TANGO6: variants seen among roughly 807,000 people sequenced by gnomAD.
TANGO6 encodes transport and golgi organization 6 homolog.
A neutral mutation model predicts 114.2 loss-of-function variants in TANGO6; 90 were observed. That is an observed-to-expected ratio of 0.79 (90% CI 0.66 to 0.94). The LOEUF is 0.94. Among genes scored for constraint, TANGO6 ranks in the 40% least tolerant of loss-of-function variants. The pLI is 0.00. For synonymous variants in TANGO6, 477 were observed against 509.8 expected (o/e 0.94, Z 0.87); for missense variants, 1,274 against 1,315.3 (o/e 0.97, Z 0.49).
intron 16 of TANGO6, among the ~76,000 whole-genome samples, chr16:69,030,107 CA>C (rs529117472): frequency 0.011 from 718 of 62,524 alleles, 3 homozygotes; most frequent in African/African-American, 0.026. Flanking sequence ...GACTCTGACT[CA>C]AAAAAAAAAA....
chr16:68,898,480 C>T (rs1411019501), intron 7 of TANGO6, among the ~76,000 whole-genome samples: 1 of 151,968 alleles, frequency 6.6e-6, no homozygotes, highest in African/African-American at 2.4e-5. Context: ...TTGAGCTTCC[C>T]TTCCCTTCCT....
At chr16:68,862,060 C>T (rs750063756) in intron 2 of TANGO6, among the ~76,000 whole-genome samples, 1 of 150,728 alleles carries the variant, frequency 6.6e-6, no homozygotes, top group Non-Finnish European at 1.5e-5. Flanking sequence ...TTTTTTGAGA[C>T]GGAGCCTTGC....
At position 68,904,417 on chromosome 16, in the gene TANGO6, G is replaced by A. The variant is rs899882242; in HGVS notation, c.1667+1913G>A. ...TGGAGAAAACATGACTGATCTGAAGGACTCTGGAAGATTCTGGGATAATAC... is the reference window on the plus strand; with the variant it reads ...TGGAGAAAACATGACTGATCTGAAGAACTCTGGAAGATTCTGGGATAATAC... On this transcript the variant is annotated intron_variant, in intron 9 of 17. Transcript: ENST00000261778. 4.2e-4 allele frequency among the ~76,000 whole-genome samples: 64 copies of A among 152,152 alleles called. 1 individual carries two copies. The highest frequency in any genetic ancestry group is 1.4e-3 in the African/African-American group (59 of 41,456).
At chr16:68,886,870 C>T (rs1288013819) in intron 7 of TANGO6, among the ~76,000 whole-genome samples, 3 of 150,528 alleles carry the variant, frequency 2.0e-5, no homozygotes, top group Non-Finnish European at 3.0e-5. Flanking sequence ...TGCAGTTGTG[C>T]GATCTCAGCT....
At chr16:69,033,914 G>A (rs994720420) in intron 16 of TANGO6, 5 of 168,560 alleles carry the variant, frequency 3.0e-5, no homozygotes, top group South Asian at 1.7e-4. Flanking sequence ...CCTGCCCATC[G>A]AGGAGTGTGA....
At chr16:68,972,381 A>G (rs937531642) in intron 14 of TANGO6, among the ~76,000 whole-genome samples, 3 of 152,306 alleles carry the variant, frequency 2.0e-5, no homozygotes, top group South Asian at 2.1e-4. Context: ...ATCACAACCT[A>G]TAACATAAAA....
intron 15 of TANGO6, among the ~76,000 whole-genome samples, chr16:69,003,273 A>G (rs559072998): frequency 6.6e-6 from 1 of 152,328 alleles, no homozygotes; most frequent in East Asian, 1.9e-4. Flanking sequence ...AGCTCAGAGA[A>G]AAGAAAATTC....
chr16:68,920,941 G>T (rs887822459), intron 12 of TANGO6, among the ~76,000 whole-genome samples: 4 of 151,258 alleles, frequency 2.6e-5, no homozygotes, highest in African/African-American at 9.7e-5. Flanking sequence ...GTGAAACTCC[G>T]TCTCTACTAA....
intron 7 of TANGO6, among the ~76,000 whole-genome samples, chr16:68,889,582 C>T (rs959448842): frequency 6.6e-6 from 1 of 152,170 alleles, no homozygotes; most frequent in African/African-American, 2.4e-5. Context: ...TTTCTGGAAA[C>T]ATCCATGTGT....
At chr16:68,862,806 A>T in intron 2 of TANGO6, 139 bp from the exon 3 acceptor site, 1 of 685,898 alleles carries the variant, frequency 1.5e-6, no homozygotes. Context: ...AGCTTCCCCC[A>T]TGTGGAAGGA....
chr16:69,043,681 G>A (rs935827527), intron 17 of TANGO6, among the ~76,000 whole-genome samples: 2 of 152,160 alleles, frequency 1.3e-5, no homozygotes, highest in Non-Finnish European at 1.5e-5. Flanking sequence ...ACTTTAATGA[G>A]AAGTGGAGAT....
In TANGO6 at chr16:69,022,811, C is replaced by A; in HGVS notation, c.2843-17C>A. On this transcript the variant is annotated splice_polypyrimidine_tract_variant and intron_variant, in intron 15 of 17. Coordinates refer to ENST00000261778, the MANE Select transcript of TANGO6 (RefSeq NM_024562.2). ...ATTTTGTTTTAAGGGGTTTTGATTT[C>A]TTCCTTTTTCCTATAGGAGACATGG... 6.4e-7 allele frequency: 1 copy of A among 1,558,880 alleles called. No individual in the cohort carries two copies. Among genetic ancestry groups the A allele is most frequent in the Non-Finnish European group, 8.7e-7 (1 of 1,151,422 alleles).
At chr16:68,888,811 A>G (rs943282741) in intron 7 of TANGO6, among the ~76,000 whole-genome samples, 1 of 152,098 alleles carries the variant, frequency 6.6e-6, no homozygotes, top group Non-Finnish European at 1.5e-5. Context: ...AATAGACTTT[A>G]TTTATTATTA....
intron 17 of TANGO6, among the ~76,000 whole-genome samples, chr16:69,068,026 A>T (rs1016711046): frequency 6.6e-6 from 1 of 151,800 alleles, no homozygotes; most frequent in African/African-American, 2.4e-5. Flanking sequence ...CTGTAGTCCC[A>T]GCTACTCGGG....
At chr16:68,896,114 C>T (rs1259839719) in intron 7 of TANGO6, among the ~76,000 whole-genome samples, 2 of 151,910 alleles carry the variant, frequency 1.3e-5, no homozygotes, top group Non-Finnish European at 2.9e-5. Flanking sequence ...AGCAATGATT[C>T]TCATGCCTCA....
chr16:69,008,651 T>C lies in TANGO6; in HGVS notation c.2843-14177T>C, dbSNP rs141121916. Among the ~76,000 whole-genome samples, 12 of 152,216 alleles carry C rather than the reference T, an allele frequency of 7.9e-5. No homozygotes were observed. The East Asian group carries it at 1.7e-3, about 22-fold the overall frequency. ...TTGTTTTGTTTGTTTGGTTTTTTTT[T>C]TGGAGATGGAGTCTCACTCTGTTCC... On this transcript the variant is annotated intron_variant, in intron 15 of 17. Transcript: ENST00000261778.
chr16:68,938,391 CA>C (rs1480666539), intron 14 of TANGO6, among the ~76,000 whole-genome samples: 1 of 152,130 alleles, frequency 6.6e-6, no homozygotes, highest in African/African-American at 2.4e-5. Context: ...GTCTTAGAGT[CA>C]CAGTAGGTTT....
chr16:69,047,851 T>A (rs1296245785), intron 17 of TANGO6, among the ~76,000 whole-genome samples: 3 of 152,166 alleles, frequency 2.0e-5, no homozygotes, highest in African/African-American at 7.2e-5. Flanking sequence ...ATTGAAACTC[T>A]TTCCCTTGCT....
At position 68,909,221 on chromosome 16, in the gene TANGO6, A is replaced by G. The variant is rs1157306713; in HGVS notation, c.1811A>G (p.His604Arg). Residue 604 changes from histidine to arginine, a missense_variant, in exon 11 of 18, where the codon CAT becomes CGT. Coordinates refer to ENST00000261778, the MANE Select transcript of TANGO6 (RefSeq NM_024562.2). The part of the protein sequence containing the change: ...FFIFCLKELT[H>R]VASENETELK... ...CTGCCATGCTTGTAGGAGTTGACTC[A>G]TGTGGCCTCGGAAAATGAAACAGAG... The G allele has an allele frequency of 1.3e-6, 2 of 1,578,602 alleles. No individual in the cohort carries two copies. The highest frequency in any genetic ancestry group is 3.4e-4 in the Middle Eastern group (2 of 5,944).
Sources: allele counts gnomAD v4.1 joint callset (sites outside exome capture counted in the v4.1 genomes callset), GRCh38; gene constraint gnomAD v4.1.1; transcripts MANE v1.5; gene names NCBI Gene and HGNC (gene_info 2026-07-23, HGNC 2026-07-21).